Variants in INPP4A observed in about 807,000 individuals in gnomAD.
INPP4A encodes the protein inositol polyphosphate-4-phosphatase, type I, 107kD.
INPP4A carries 33 observed loss-of-function variants against 119.8 expected under a neutral mutation model. The observed-to-expected ratio is 0.28, with a 90% confidence interval of 0.21 to 0.37. The LOEUF is 0.37. Among genes scored for constraint, INPP4A ranks in the 10% least tolerant of loss-of-function variants. The pLI is 1.00. For missense variants in INPP4A, 956 were observed against 1,289.9 expected (o/e 0.74, Z 3.97); for synonymous variants, 496 against 500.7 (o/e 0.99, Z 0.12).
intron 1 of INPP4A, among the ~76,000 whole-genome samples, chr2:98,515,785 C>T (rs1686003782): frequency 6.6e-6 from 1 of 152,170 alleles, no homozygotes; most frequent in Admixed American, 6.5e-5. Context: ...GCCTTGCCAC[C>T]TCACTAGTCC....
Position 98,591,033 on chromosome 2 carries a change from AT to A in INPP4A, c.*3426del, listed in dbSNP as rs1174596121. 4.5e-6 allele frequency: 1 copy of A among 224,154 alleles called. No homozygotes were observed. The highest frequency in any genetic ancestry group is 6.5e-5 in the East Asian group (1 of 15,268). 13.9% of individuals were successfully genotyped at this position (224,154 alleles called of 1,614,324 possible). ...AATATACAATGTATTAGCCCCTGTC[AT>A]ATGTTGCACACTTTTTAACCTATTT... On this transcript the variant is annotated 3_prime_UTR_variant, in exon 25 of 25. Transcript: ENST00000409851.
At chr2:98,539,395 T>A in intron 9 of INPP4A, 133 bp from the exon 10 acceptor site, 1 of 1,005,184 alleles carries the variant, frequency 9.9e-7, no homozygotes, top group South Asian at 1.8e-5. Context: ...GGTGTAAGCG[T>A]TTTAATTCCC....
rs374783195 is a variant in INPP4A at position 98,555,658 on chromosome 2, T to C, written c.1672T>C (p.Phe558Leu). The C allele has an allele frequency of 3.8e-5, 62 of 1,613,986 alleles. 1 individual carries two copies. The East Asian group carries it at 6.0e-4, about 16-fold the overall frequency. ...RLHGEGCEDV[F>L]PCAGSCTSKK... ...GCATGGCGAGGGCTGTGAGGATGTC[T>C]TCCCCTGTGCAGGCAGCTGCACCAG... Residue 558 changes from phenylalanine (F) to leucine (L), a missense_variant, in exon 16 of 25, where the codon TTC (phenylalanine) becomes CTC (leucine). Physicochemically the swap from Phe to Leu is conservative, Grantham distance 22. Coordinates refer to ENST00000409851, the MANE Select transcript of INPP4A (RefSeq NM_001134225.2).
chr2:98,542,057 G>A (rs1043376027), intron 10 of INPP4A, among the ~76,000 whole-genome samples: 3 of 152,260 alleles, frequency 2.0e-5, no homozygotes, highest in Non-Finnish European at 4.4e-5. Flanking sequence ...ATGTTTCAGC[G>A]TGTGCTGGAA....
At chr2:98,538,821 G>GT (rs1690830407) in intron 8 of INPP4A, 70 bp from the exon 9 acceptor site, 1 of 875,554 alleles carries the variant, frequency 1.1e-6, no homozygotes, top group African/African-American at 1.6e-5. Flanking sequence ...TTAGGCCACT[G>GT]TTTCTGCTGA....
At chr2:98,511,269 A>G (rs1412835998) in intron 1 of INPP4A, among the ~76,000 whole-genome samples, 1 of 152,162 alleles carries the variant, frequency 6.6e-6, no homozygotes, top group Admixed American at 6.5e-5. Context: ...CACGTTGGCC[A>G]AGATGGTCTC....
chr2:98,540,172 T>G (rs2106003056), intron 10 of INPP4A, among the ~76,000 whole-genome samples: 1 of 152,330 alleles, frequency 6.6e-6, no homozygotes, highest in East Asian at 1.9e-4. Flanking sequence ...CCTCAGATGA[T>G]CCACCCACCT....
intron 1 of INPP4A, among the ~76,000 whole-genome samples, chr2:98,515,563 A>G (rs531830138): frequency 9.2e-5 from 14 of 152,336 alleles, no homozygotes; most frequent in African/African-American, 3.1e-4. Flanking sequence ...CTTGAAAAAA[A>G]TCACTCTGAG....
At chr2:98,446,375 T>C (rs889396076) in intron 1 of INPP4A, among the ~76,000 whole-genome samples, 7 of 152,220 alleles carry the variant, frequency 4.6e-5, no homozygotes, top group Admixed American at 1.3e-4. Flanking sequence ...TGTACTGTTT[T>C]CTTTGAAGAA....
chr2:98,496,658 C>G (rs1216229695), intron 1 of INPP4A, among the ~76,000 whole-genome samples: 1 of 152,186 alleles, frequency 6.6e-6, no homozygotes, highest in Non-Finnish European at 1.5e-5. Context: ...ACAAGGAACT[C>G]AAACAACTCA....
intron 1 of INPP4A, among the ~76,000 whole-genome samples, chr2:98,494,889 C>T (rs770787484): frequency 2.6e-5 from 4 of 152,162 alleles, no homozygotes; most frequent in Non-Finnish European, 4.4e-5. Context: ...GGTATGAAAA[C>T]ACCAGAGGCA....
rs1356876486 is a variant in INPP4A at position 98,591,881 on chromosome 2, A to G, written c.*4273A>G. 1 of 152,228 alleles carries G rather than the reference A, an allele frequency of 6.6e-6. No individual in the cohort carries two copies. Among genetic ancestry groups the G allele is most frequent in the South Asian group, 2.1e-4 (1 of 4,826 alleles). 9.4% of individuals were successfully genotyped at this position (152,228 alleles called of 1,614,324 possible). A position where few individuals can be genotyped will look rare whatever the true frequency, so the allele number is the denominator to read the frequency against. On this transcript the variant is annotated 3_prime_UTR_variant, in exon 25 of 25. Coordinates refer to ENST00000409851, the MANE Select transcript of INPP4A (RefSeq NM_001134225.2). ...CACCATTTTTGAATAGAGGTTTCTC[A>G]CAGTATCCTCAGCAGCATTGAGTGT... is the stretch of plus-strand genomic sequence containing the variant.
chr2:98,470,060 T>C (rs1418962524), intron 1 of INPP4A, among the ~76,000 whole-genome samples: 2 of 152,226 alleles, frequency 1.3e-5, no homozygotes, highest in Non-Finnish European at 2.9e-5. Context: ...CTCCTGCCCC[T>C]GTCCGTCCAC....
rs113734652 is a variant in INPP4A at position 98,555,483 on chromosome 2, A to G, written c.1567-70A>G. On this transcript the variant is annotated intron_variant, in intron 15 of 24. Coordinates refer to ENST00000409851, the MANE Select transcript of INPP4A (RefSeq NM_001134225.2). ...TAGGGCAGGGGATCAGTGGAGGGCGATTTGGTTTGTGTTATGTTTGTGTTT... is the reference window on the plus strand; with the variant it reads ...TAGGGCAGGGGATCAGTGGAGGGCGGTTTGGTTTGTGTTATGTTTGTGTTT... 9.2e-4 allele frequency: 1,396 copies of G among 1,510,546 alleles called. 12 individuals are homozygous for G. In the African/African-American group the frequency reaches 0.017, roughly 18 times the overall value. 93.6% of individuals were successfully genotyped at this position (1,510,546 alleles called of 1,614,324 possible). A position where few individuals can be genotyped will look rare whatever the true frequency, so the allele number is the denominator to read the frequency against.
At chr2:98,477,470 G>C (rs1399318013) in intron 1 of INPP4A, among the ~76,000 whole-genome samples, 1 of 152,228 alleles carries the variant, frequency 6.6e-6, no homozygotes, top group Non-Finnish European at 1.5e-5. Flanking sequence ...GCCTTTCTCT[G>C]AGATACTTGG....
intron 15 of INPP4A, 140 bp from the exon 16 acceptor site, chr2:98,555,413 C>G: frequency 1.1e-6 from 1 of 883,922 alleles, no homozygotes; most frequent in Non-Finnish European, 1.7e-6. Context: ...TAGGAATCAT[C>G]TTTATATTTC....
chr2:98,485,677 A>T (rs1679402746), intron 1 of INPP4A, among the ~76,000 whole-genome samples: 1 of 152,182 alleles, frequency 6.6e-6, no homozygotes, highest in Admixed American at 6.5e-5. Context: ...AGGTATTTAA[A>T]TATTTGAAAG....
At chr2:98,520,990 G>A in intron 4 of INPP4A, 1 of 355,374 alleles carries the variant, frequency 2.8e-6, no homozygotes. Flanking sequence ...TCCACAGGTG[G>A]CTGGGGACAG....
chr2:98,458,795 A>T (rs971424004), intron 1 of INPP4A, among the ~76,000 whole-genome samples: 2 of 151,792 alleles, frequency 1.3e-5, no homozygotes, highest in Admixed American at 1.3e-4. Context: ...GCCAGGGGGG[A>T]TGTGGCTCTG....
Sources: allele counts gnomAD v4.1 joint callset (sites outside exome capture counted in the v4.1 genomes callset), GRCh38; gene constraint gnomAD v4.1.1; transcripts MANE v1.5; gene names NCBI Gene and HGNC (gene_info 2026-07-23, HGNC 2026-07-21).